CTTNBP2: variants seen among roughly 807,000 people sequenced by gnomAD.
CTTNBP2 encodes cortactin-binding protein 2.
CTTNBP2 carries 108 observed loss-of-function variants against 156.9 expected under a neutral mutation model. The observed-to-expected ratio is 0.69, with a 90% CI of 0.59 to 0.81. CTTNBP2 has a LOEUF of 0.81. CTTNBP2 is among the 30% of genes least tolerant of loss of function. The pLI is 0.00. For missense variants in CTTNBP2, 1,924 were observed against 2,035.4 expected, an observed-to-expected ratio of 0.95 and a Z score of 1.05; for synonymous variants, 767 against 751.8, an observed-to-expected ratio of 1.02 and a Z score of -0.33.
At chr7:117,719,221 C>T (rs1183384015) in intron 21 of CTTNBP2, among the ~76,000 whole-genome samples, 1 of 152,100 alleles carries the variant, frequency 6.6e-6, no homozygotes, top group African/African-American at 2.4e-5. Context: ...AAAAGAAAAG[C>T]TGCCCAAATG....
At chr7:117,749,544 A>G (rs1796515197) in intron 12 of CTTNBP2, among the ~76,000 whole-genome samples, 1 of 152,152 alleles carries the variant, frequency 6.6e-6, no homozygotes, top group Non-Finnish European at 1.5e-5. Flanking sequence ...CAGTCTCACT[A>G]ATCCCCACCA....
At chr7:117,806,055 C>T (rs1214586043) in intron 3 of CTTNBP2, among the ~76,000 whole-genome samples, 2 of 152,068 alleles carry the variant, frequency 1.3e-5, no homozygotes, top group African/African-American at 2.4e-5. Context: ...ATGTTATTGT[C>T]GAATTTATAT....
intron 16 of CTTNBP2, among the ~76,000 whole-genome samples, chr7:117,733,399 T>C (rs1426575567): frequency 6.6e-6 from 1 of 152,232 alleles, no homozygotes; most frequent in African/African-American, 2.4e-5. Context: ...ATCAGAGAGC[T>C]AGCGGGAGAG....
chr7:117,865,077 C>G lies in CTTNBP2; in HGVS notation c.82-3761G>C, dbSNP rs192796384. ...TATTAAAGTTTCTTGGTTTAAGAGC[C>G]AAACGAACTATTTTAAGTCATATAA... On this transcript the variant is annotated intron_variant, in intron 1 of 22. Coordinates refer to ENST00000160373, the MANE Select transcript of CTTNBP2 (RefSeq NM_033427.3). 3.7e-3 allele frequency among the ~76,000 whole-genome samples: 552 copies of G among 150,680 alleles called. 4 individuals carry two copies. The highest frequency in any genetic ancestry group is 5.8e-3 in the Non-Finnish European group (392 of 67,728).
chr7:117,865,339 G>GTTTCTTT (rs1563078491), intron 1 of CTTNBP2, among the ~76,000 whole-genome samples: 5 of 151,730 alleles, frequency 3.3e-5, no homozygotes, highest in Non-Finnish European at 7.4e-5. Flanking sequence ...CTATTTTTTA[G>GTTTCTTT]TGATGAAAAG....
At chr7:117,839,306 T>C (rs1049994293) in intron 2 of CTTNBP2, among the ~76,000 whole-genome samples, 1 of 152,240 alleles carries the variant, frequency 6.6e-6, no homozygotes, top group Non-Finnish European at 1.5e-5. Context: ...TTATATGCCA[T>C]TAGTCAGAGT....
At chr7:117,842,537 A>G (rs1156823243) in intron 2 of CTTNBP2, among the ~76,000 whole-genome samples, 1 of 152,166 alleles carries the variant, frequency 6.6e-6, no homozygotes, top group Non-Finnish European at 1.5e-5. Context: ...GAAAAAAAGA[A>G]CCATCACAGT....
In CTTNBP2 at chr7:117,763,597, G is replaced by A. The variant is rs377512442; in HGVS notation, c.2897-2887C>T. ...TTTTTTTGAGACAGGGTCTTTCTCT[G>A]TCACCCAGGCTGGAGGGCAGTGGTG... On this transcript the variant is annotated intron_variant, in intron 9 of 22. Coordinates refer to ENST00000160373, the MANE Select transcript of CTTNBP2 (RefSeq NM_033427.3). Among the ~76,000 whole-genome samples, 18 of 102,678 alleles carry A rather than the reference G, an allele frequency of 1.8e-4. No individual in the cohort carries two copies. In the East Asian group the frequency reaches 5.1e-3, roughly 29 times the overall value. 67.4% of individuals were successfully genotyped at this position (102,678 alleles called of 152,430 possible).
chr7:117,845,847 A>T (rs1415677711), intron 2 of CTTNBP2, among the ~76,000 whole-genome samples: 1 of 151,794 alleles, frequency 6.6e-6, no homozygotes, highest in Non-Finnish European at 1.5e-5. Flanking sequence ...GGTTTCTGTT[A>T]ATTTTTTTTT....
intron 1 of CTTNBP2, among the ~76,000 whole-genome samples, chr7:117,862,562 G>T (rs2117256090): frequency 6.6e-6 from 1 of 152,240 alleles, no homozygotes; most frequent in Admixed American, 6.5e-5. Context: ...AGTCAGCCTG[G>T]GTGAGTCCAA....
At chr7:117,752,360 G>A (rs1796659347) in intron 12 of CTTNBP2, among the ~76,000 whole-genome samples, 2 of 152,154 alleles carry the variant, frequency 1.3e-5, no homozygotes, top group African/African-American at 2.4e-5. Context: ...ATTAAAACAC[G>A]AGGTTTCAAA....
chr7:117,714,903 G>A (rs540482267), intron 22 of CTTNBP2, among the ~76,000 whole-genome samples: 2 of 152,300 alleles, frequency 1.3e-5, no homozygotes, highest in Admixed American at 1.3e-4. Flanking sequence ...AGTTACAGGT[G>A]TTTAATGCTT....
intron 3 of CTTNBP2, among the ~76,000 whole-genome samples, chr7:117,809,253 T>G (rs945287379): frequency 6.6e-6 from 1 of 152,128 alleles, no homozygotes; most frequent in Admixed American, 6.5e-5. Flanking sequence ...TTTTTTCTCC[T>G]AAAAGAGAAA....
At chr7:117,831,740 A>C (rs1044470305) in intron 2 of CTTNBP2, among the ~76,000 whole-genome samples, 5 of 151,900 alleles carry the variant, frequency 3.3e-5, no homozygotes, top group Non-Finnish European at 7.4e-5. Context: ...CCAAACCTTC[A>C]CTGCACTCCT....
chr7:117,755,476 T>G, intron 12 of CTTNBP2: 27 of 428,942 alleles, frequency 6.3e-5, no homozygotes, highest in South Asian at 4.7e-4. Flanking sequence ...TAGTTTCAGA[T>G]TGATCTCATA....
At chr7:117,852,786 T>G (rs985380986) in intron 2 of CTTNBP2, among the ~76,000 whole-genome samples, 1 of 152,326 alleles carries the variant, frequency 6.6e-6, no homozygotes, top group East Asian at 1.9e-4. Context: ...TACAATTGAT[T>G]ACAGGTGTGT....
intron 2 of CTTNBP2, among the ~76,000 whole-genome samples, chr7:117,830,580 C>G (rs1801538985): frequency 6.6e-6 from 1 of 152,136 alleles, no homozygotes; most frequent in African/African-American, 2.4e-5. Context: ...ATTAGAAAGC[C>G]AAATACATAG....
At chr7:117,840,399 G>A (rs529605379) in intron 2 of CTTNBP2, among the ~76,000 whole-genome samples, 2 of 152,108 alleles carry the variant, frequency 1.3e-5, no homozygotes, top group Non-Finnish European at 2.9e-5. Context: ...GCAGTGGGGC[G>A]TACCTGGTCC....
rs753668225 is a variant in CTTNBP2 at position 117,728,214 on chromosome 7, C to A, written c.3930G>T (p.Trp1310Cys). The change falls in exon 17 of 23, where the codon TGG (tryptophan) becomes TGT (cysteine). Residue 1310 changes from tryptophan (W) to cysteine (C), a missense_variant. Transcript: ENST00000160373. ...TAAGCTGACGCCAGACGGACAGAGCCCAGTCGACAATCTTGCACACAGGAT... is the reference window on the plus strand; with the variant it reads ...TAAGCTGACGCCAGACGGACAGAGCACAGTCGACAATCTTGCACACAGGAT... ...PCDPVCKIVD[W>C]ALSVWRQLNS... 6.2e-7 allele frequency: 1 copy of A among 1,614,026 alleles called. No homozygotes were observed. The highest frequency in any genetic ancestry group is 1.3e-5 in the African/African-American group (1 of 74,906).
Sources: allele counts gnomAD v4.1 joint callset (sites outside exome capture counted in the v4.1 genomes callset), GRCh38; gene constraint gnomAD v4.1.1; transcripts MANE v1.5; gene names NCBI Gene and HGNC (gene_info 2026-07-23, HGNC 2026-07-21).